Variants in SYT16 observed in about 807,000 individuals in gnomAD.
SYT16 encodes synaptotagmin 16.
A neutral mutation model predicts 61.4 loss-of-function variants in SYT16; 42 were observed. The ratio of observed to expected loss-of-function variants is 0.68; its 90% confidence interval spans 0.53 to 0.89. The LOEUF is 0.89. Among genes scored for constraint, SYT16 ranks in the 40% least tolerant of loss-of-function variants. SYT16 has a pLI of 0.00. For synonymous variants in SYT16, 314 were observed against 302.3 expected (o/e 1.04, Z -0.40); for missense variants, 804 against 807.3 (o/e 1.00, Z 0.05).
At chr14:61,973,634 T>C (rs545813564) in intron 2 of SYT16, among the ~76,000 whole-genome samples, 11 of 152,200 alleles carry the variant, frequency 7.2e-5, no homozygotes, top group Non-Finnish European at 1.5e-4. Flanking sequence ...AGAAAGAATA[T>C]TTCGGTTGTT....
intron 1 of SYT16, among the ~76,000 whole-genome samples, chr14:61,820,186 C>T (rs966345256): frequency 6.6e-6 from 1 of 152,212 alleles, no homozygotes; most frequent in African/African-American, 2.4e-5. Flanking sequence ...ATGTTTTCTT[C>T]CCCAATGTTT....
At chr14:62,042,877 T>G (rs1237554605) in intron 3 of SYT16, among the ~76,000 whole-genome samples, 1 of 152,194 alleles carries the variant, frequency 6.6e-6, no homozygotes, top group Non-Finnish European at 1.5e-5. Flanking sequence ...GGAGCCAGCT[T>G]GGACAATCAT....
chr14:61,922,776 G>A (rs1335204822), intron 1 of SYT16, among the ~76,000 whole-genome samples: 3 of 152,140 alleles, frequency 2.0e-5, no homozygotes, highest in Admixed American at 1.3e-4. Context: ...TAGGCCAGGC[G>A]TGGTAGCTCA....
intron 1 of SYT16, among the ~76,000 whole-genome samples, chr14:61,867,549 C>A (rs763194358): frequency 6.6e-6 from 1 of 151,898 alleles, no homozygotes; most frequent in African/African-American, 2.4e-5. Flanking sequence ...ATGAGTCTAA[C>A]AAGATGCAAG....
At chr14:61,919,170 G>A (rs1269301520) in intron 1 of SYT16, among the ~76,000 whole-genome samples, 4 of 152,090 alleles carry the variant, frequency 2.6e-5, no homozygotes, top group Non-Finnish European at 4.4e-5. Flanking sequence ...ATAGAAATAC[G>A]TTGCTAGGCA....
chr14:61,972,980 C>G (rs2051624667), intron 2 of SYT16, among the ~76,000 whole-genome samples: 1 of 152,092 alleles, frequency 6.6e-6, no homozygotes, highest in Non-Finnish European at 1.5e-5. Flanking sequence ...TGGAAGAGAA[C>G]TAATAAAAAT....
intron 7 of SYT16, among the ~76,000 whole-genome samples, chr14:62,099,514 T>G (rs1038376888): frequency 6.6e-6 from 1 of 152,140 alleles, no homozygotes; most frequent in African/African-American, 2.4e-5. Context: ...AGCAAATGTT[T>G]AGAGTTGGGG....
At chr14:62,085,151 C>G (rs2056843231) in intron 7 of SYT16, among the ~76,000 whole-genome samples, 1 of 152,164 alleles carries the variant, frequency 6.6e-6, no homozygotes, top group African/African-American at 2.4e-5. Flanking sequence ...TCAACAGCCT[C>G]TCACCACCTA....
In SYT16 at chr14:62,024,175, G is replaced by T. The variant is rs143087206; in HGVS notation, c.523+27633G>T. On this transcript the variant is annotated intron_variant, in intron 3 of 7. Transcript: ENST00000683842. ...TGAAAAATTTTGTATATAATATTTGGACAAAGGTGGAAGAGAATGGAAGTC... is the reference window on the plus strand; with the variant it reads ...TGAAAAATTTTGTATATAATATTTGTACAAAGGTGGAAGAGAATGGAAGTC... Among the ~76,000 whole-genome samples, 247 of 152,108 alleles carry T rather than the reference G, an allele frequency of 1.6e-3. 1 individual carries two copies. The highest frequency in any genetic ancestry group is 5.6e-3 in the African/African-American group (232 of 41,524).
At chr14:61,824,071 A>G (rs2045698370) in intron 1 of SYT16, among the ~76,000 whole-genome samples, 1 of 152,238 alleles carries the variant, frequency 6.6e-6, no homozygotes, top group Non-Finnish European at 1.5e-5. Context: ...TAAAATGAAT[A>G]TAAAGAGAAG....
At chr14:62,044,020 A>G (rs1210900146) in intron 3 of SYT16, among the ~76,000 whole-genome samples, 2 of 152,090 alleles carry the variant, frequency 1.3e-5, no homozygotes, top group East Asian at 3.9e-4. Context: ...CTTGAATAAC[A>G]TAGATTTGAA....
chr14:62,080,975 G>C lies in SYT16; in HGVS notation c.1135G>C (p.Asp379His), dbSNP rs769729683. 2.0e-4 allele frequency: 321 copies of C among 1,612,862 alleles called. No individual in the cohort carries two copies. The highest frequency in any genetic ancestry group is 5.0e-4 in the Admixed American group (30 of 59,842). The stretch of plus-strand genomic sequence containing the variant: ...CATTGTGAGGGCACAGGGCCTCCCA[G>C]ATAAGGACCGAAGTGGTGTCAACTC... Reference protein sequence around the residue: ...VTIVRAQGLPDKDRSGVNSWQ... With the variant: ...VTIVRAQGLPHKDRSGVNSWQ... Residue 379 changes from aspartate to histidine, a missense_variant, in exon 6 of 8, where the codon GAT becomes CAT. Physicochemically the swap from Asp to His is moderately conservative, Grantham distance 81. Transcript: ENST00000683842.
At chr14:62,045,301 A>G (rs967369202) in intron 3 of SYT16, among the ~76,000 whole-genome samples, 2 of 152,110 alleles carry the variant, frequency 1.3e-5, no homozygotes, top group African/African-American at 4.8e-5. Context: ...TCCTTCTAAA[A>G]CAGCTTCTAT....
chr14:61,887,950 A>T (rs1594834328), intron 1 of SYT16, among the ~76,000 whole-genome samples: 1 of 152,178 alleles, frequency 6.6e-6, no homozygotes, highest in African/African-American at 2.4e-5. Context: ...CAACTTGGCT[A>T]ACTCTTTGGT....
At chr14:61,926,839 T>C (rs1051178295) in intron 1 of SYT16, among the ~76,000 whole-genome samples, 7 of 152,172 alleles carry the variant, frequency 4.6e-5, no homozygotes, top group Non-Finnish European at 7.4e-5. Context: ...TTTCAGAGGG[T>C]GTCCTTAGCT....
chr14:61,965,875 A>G (rs1049163438), intron 1 of SYT16, among the ~76,000 whole-genome samples: 3 of 152,246 alleles, frequency 2.0e-5, no homozygotes, highest in African/African-American at 7.2e-5. Context: ...TTCCAGGAAA[A>G]ATGAACAAAA....
chr14:62,057,658 C>A (rs557101910), intron 3 of SYT16, among the ~76,000 whole-genome samples: 1 of 152,064 alleles, frequency 6.6e-6, no homozygotes, highest in South Asian at 2.1e-4. Flanking sequence ...CTCAACTGCA[C>A]AGAAATGACT....
At chr14:62,074,913 A>C (rs914462137) in intron 4 of SYT16, among the ~76,000 whole-genome samples, 2 of 152,228 alleles carry the variant, frequency 1.3e-5, no homozygotes, top group Non-Finnish European at 2.9e-5. Flanking sequence ...ATATTTAAAA[A>C]GTATTAAGCC....
At position 62,109,284 on chromosome 14, in the gene SYT16, T is replaced by C. The variant is rs1295540672; in HGVS notation, c.*8577T>C. On this transcript the variant is annotated 3_prime_UTR_variant, in exon 8 of 8. Coordinates refer to ENST00000683842, the MANE Select transcript of SYT16 (RefSeq NM_001367656.1). ...TCATACAGTATGTAGCCTTTTCAGATTGGCTTTTTTTTTTTTCACTTAGGG... is the reference window on the plus strand; with the variant it reads ...TCATACAGTATGTAGCCTTTTCAGACTGGCTTTTTTTTTTTTCACTTAGGG... 2 of 146,192 alleles carry C rather than the reference T, an allele frequency of 1.4e-5. No homozygotes were observed. Among genetic ancestry groups the C allele is most frequent in the Non-Finnish European group, 3.0e-5 (2 of 66,404 alleles). The allele number at this position is 146,192 out of a possible 1,614,324, so 9.1% of individuals were successfully genotyped here.
Sources: allele counts gnomAD v4.1 joint callset (sites outside exome capture counted in the v4.1 genomes callset), GRCh38; gene constraint gnomAD v4.1.1; transcripts MANE v1.5; gene names NCBI Gene and HGNC (gene_info 2026-07-23, HGNC 2026-07-21).